The following MALRD1 variants were observed in gnomAD, a reference collection of about 807,000 sequenced individuals.
MALRD1 encodes the protein MAM and LDL receptor class A domain containing 1.
A neutral mutation model predicts 242.1 loss-of-function variants in MALRD1; 247 were observed. The observed-to-expected ratio is 1.02, with a 90% CI of 0.92 to 1.13. The LOEUF (loss-of-function observed/expected upper bound fraction) is 1.13. Ranked by LOEUF, MALRD1 falls within the 50% of genes most tolerant of loss-of-function variation. The pLI is 0.00. For synonymous variants in MALRD1, 995 were observed against 866.6 expected (o/e 1.15, Z -2.60); for missense variants, 2,989 against 2,533.1 (o/e 1.18, Z -3.86).
In MALRD1 at chr10:19,283,869, C is replaced by A. The variant is rs573861385; in HGVS notation, c.3419+688C>A. Among the ~76,000 whole-genome samples the A allele has an allele frequency of 2.0e-5, 3 of 152,162 alleles. No homozygotes were observed. The South Asian group carries it at 6.2e-4, about 32-fold the overall frequency. The stretch of plus-strand genomic sequence containing the variant: ...AAATAGAGTGCCTACTGTGTGAGAA[C>A]GCTGCGGTAGGCACTAGAAATAAAC... On this transcript the variant is annotated intron_variant, in intron 21 of 39. Transcript: ENST00000454679.
chr10:19,441,336 T>G (rs1834636640), intron 28 of MALRD1, among the ~76,000 whole-genome samples: 1 of 152,214 alleles, frequency 6.6e-6, no homozygotes, highest in African/African-American at 2.4e-5. Flanking sequence ...CAGAAGCTCT[T>G]TCATTTAATT....
chr10:19,244,381 T>G (rs1838946772), intron 18 of MALRD1, among the ~76,000 whole-genome samples: 1 of 152,090 alleles, frequency 6.6e-6, no homozygotes, highest in African/African-American at 2.4e-5. Context: ...GAGACCTGCC[T>G]GGGAAAGATG....
At chr10:19,402,408 A>G (rs973217593) in intron 28 of MALRD1, among the ~76,000 whole-genome samples, 2 of 152,114 alleles carry the variant, frequency 1.3e-5, no homozygotes, top group African/African-American at 4.8e-5. Flanking sequence ...TTCTCTTGGT[A>G]GTGAGTAACT....
At chr10:19,641,615 C>T (rs540418039) in intron 36 of MALRD1, among the ~76,000 whole-genome samples, 1 of 152,150 alleles carries the variant, frequency 6.6e-6, no homozygotes, top group East Asian at 1.9e-4. Flanking sequence ...AAAACAGGAC[C>T]TTCAGAAACC....
At chr10:19,414,673 G>T (rs945019610) in intron 28 of MALRD1, among the ~76,000 whole-genome samples, 2 of 152,092 alleles carry the variant, frequency 1.3e-5, no homozygotes, top group African/African-American at 4.8e-5. Flanking sequence ...GTGACTTCAC[G>T]GAGTGTAGGG....
intron 29 of MALRD1, among the ~76,000 whole-genome samples, chr10:19,484,385 A>AATGAGTG: frequency 6.6e-6 from 1 of 152,372 alleles, no homozygotes. Context: ...TTGTATGTGA[A>AATGAGTG]CATGAAAAAG....
chr10:19,357,670 T>C (rs946365566), intron 26 of MALRD1, among the ~76,000 whole-genome samples: 2 of 152,166 alleles, frequency 1.3e-5, no homozygotes, highest in African/African-American at 4.8e-5. Flanking sequence ...TAATTTCTCA[T>C]TACTGCAAAA....
intron 21 of MALRD1, among the ~76,000 whole-genome samples, chr10:19,283,629 A>G (rs558005460): frequency 4.0e-5 from 6 of 151,450 alleles, no homozygotes; most frequent in African/African-American, 1.5e-4. Context: ...TGTATTTGTC[A>G]TACATGTATG....
chr10:19,088,196 T>G lies in MALRD1; in HGVS notation c.597+11T>G. The G allele has an allele frequency of 8.1e-7, 1 of 1,233,012 alleles. No homozygotes were observed. The highest frequency in any genetic ancestry group is 1.0e-6 in the Non-Finnish European group (1 of 987,482). The allele number at this position is 1,233,012 out of a possible 1,614,324, so 76.4% of individuals were successfully genotyped here. On this transcript the variant is annotated intron_variant, in intron 4 of 39. Coordinates refer to ENST00000454679, the MANE Select transcript of MALRD1 (RefSeq NM_001142308.3). ...TCACAGAGATTTCAGGTATGTGTGT[T>G]CTATTTTCTAACTATGGCCTTGAAG...
chr10:19,247,997 T>C (rs1452057762), intron 18 of MALRD1, among the ~76,000 whole-genome samples: 1 of 151,992 alleles, frequency 6.6e-6, no homozygotes, highest in Non-Finnish European at 1.5e-5. Context: ...ACAGCTTGAT[T>C]GGTTAGAGCT....
chr10:19,373,962 C>T (rs973664819), intron 26 of MALRD1, among the ~76,000 whole-genome samples: 2 of 152,148 alleles, frequency 1.3e-5, no homozygotes, highest in African/African-American at 4.8e-5. Context: ...ACCAATAGAA[C>T]TAAATGAAAT....
At chr10:19,216,413 C>G (rs1236855686) in intron 18 of MALRD1, among the ~76,000 whole-genome samples, 2 of 151,960 alleles carry the variant, frequency 1.3e-5, no homozygotes, top group African/African-American at 2.4e-5. Flanking sequence ...CTATACCTAG[C>G]TTTCTACTTC....
chr10:19,466,319 A>G (rs1472844147), intron 29 of MALRD1, among the ~76,000 whole-genome samples: 1 of 151,990 alleles, frequency 6.6e-6, no homozygotes, highest in Non-Finnish European at 1.5e-5. Flanking sequence ...TTTTTTTCCA[A>G]TTTGTTTAAT....
At chr10:19,542,910 A>G (rs868390151) in intron 32 of MALRD1, among the ~76,000 whole-genome samples, 7 of 152,320 alleles carry the variant, frequency 4.6e-5, no homozygotes, top group Middle Eastern at 3.4e-3. Flanking sequence ...GATTCAAGAC[A>G]GTTATGTCTG....
chr10:19,366,628 C>A (rs1845123473), intron 26 of MALRD1, among the ~76,000 whole-genome samples: 2 of 151,984 alleles, frequency 1.3e-5, no homozygotes, highest in Admixed American at 6.6e-5. Flanking sequence ...TAATGAATAG[C>A]ATTTTATTGT....
chr10:19,328,638 T>C (rs112543497), intron 23 of MALRD1, among the ~76,000 whole-genome samples: 25 of 152,292 alleles, frequency 1.6e-4, no homozygotes, highest in Admixed American at 7.9e-4. Context: ...CAGGCTTCCA[T>C]TGTATAAAAG....
In MALRD1 at chr10:19,498,524, C is replaced by T; in HGVS notation, c.5198C>T (p.Thr1733Ile). 1.3e-6 allele frequency: 2 copies of T among 1,550,294 alleles called. No homozygotes were observed. The highest frequency in any genetic ancestry group is 1.7e-6 in the Non-Finnish European group (2 of 1,146,800). ...ACAACAGGAAGCTGCAATTTTGAAA[C>T]AAGTTCAGGAAACTGGACCACAGCC... The part of the protein sequence containing the change: ...TSTTGSCNFE[T>I]SSGNWTTACS... Residue 1733 changes from threonine (T) to isoleucine (I), a missense_variant, in exon 31 of 40, where the codon ACA becomes ATA. Transcript: ENST00000454679.
chr10:19,054,913 C>A (rs1564363682), intron 1 of MALRD1, among the ~76,000 whole-genome samples: 1 of 152,102 alleles, frequency 6.6e-6, no homozygotes, highest in Non-Finnish European at 1.5e-5. Context: ...CAGAAATATA[C>A]CTAGAATTGG....
chr10:19,727,246 A>G (rs1184820057), intron 38 of MALRD1, among the ~76,000 whole-genome samples: 1 of 152,310 alleles, frequency 6.6e-6, no homozygotes, highest in East Asian at 1.9e-4. Context: ...ATTCACCTCG[A>G]AGTCATGTTT....
Sources: gnomAD v4.1 joint callset for allele counts (sites outside exome capture counted in the v4.1 genomes callset) on GRCh38, gnomAD v4.1.1 for gene constraint, MANE v1.5 for transcripts, NCBI Gene and HGNC (gene_info 2026-07-23, HGNC 2026-07-21) for gene names.